Variants in STRN observed in about 807,000 individuals in gnomAD.
STRN encodes protein phosphatase 2 regulatory subunit B'''alpha.
STRN carries 53 observed loss-of-function variants against 96.3 expected under a neutral mutation model. The observed-to-expected ratio is 0.55, with a 90% CI of 0.44 to 0.69. The LOEUF is 0.69. Among genes scored for constraint, STRN ranks in the 30% least tolerant of loss-of-function variants. The pLI is 0.00. For missense variants in STRN, 987 were observed against 963.9 expected (o/e 1.02, Z -0.32); for synonymous variants, 428 against 355.9 (o/e 1.20, Z -2.28).
intron 6 of STRN, among the ~76,000 whole-genome samples, chr2:36,895,272 A>T (rs1276454848): frequency 1.3e-5 from 2 of 151,822 alleles, no homozygotes; most frequent in African/African-American, 2.4e-5. Flanking sequence ...GCTTGCAGTG[A>T]GCCAAGATCG....
chr2:36,929,422 C>T lies in STRN; in HGVS notation c.235-4214G>A, dbSNP rs60156147. Among the ~76,000 whole-genome samples, 6 of 151,172 alleles carry T rather than the reference C, an allele frequency of 4.0e-5. No homozygotes were observed. The East Asian group carries it at 9.9e-4, about 25-fold the overall frequency. ...CTTTTGAGACGGAGTCTCGCTCTGTCGCCCAGGCTGGAGTGCAGTGGTGCG... is the reference window on the plus strand; with the variant it reads ...CTTTTGAGACGGAGTCTCGCTCTGTTGCCCAGGCTGGAGTGCAGTGGTGCG... On this transcript the variant is annotated intron_variant, in intron 1 of 17. Coordinates refer to ENST00000263918, the MANE Select transcript of STRN (RefSeq NM_003162.4).
chr2:36,938,517 G>C (rs1257016429), intron 1 of STRN, among the ~76,000 whole-genome samples: 4 of 152,110 alleles, frequency 2.6e-5, no homozygotes, highest in African/African-American at 9.7e-5. Context: ...CTCAAACCTG[G>C]TTTGAATTCC....
At chr2:36,876,730 TTG>T (rs1400420680) in intron 10 of STRN, among the ~76,000 whole-genome samples, 1 of 149,198 alleles carries the variant, frequency 6.7e-6, no homozygotes, top group East Asian at 2.0e-4. Flanking sequence ...AAATTATTTA[TTG>T]TGATGAGCAA....
intron 10 of STRN, among the ~76,000 whole-genome samples, chr2:36,875,573 CA>C (rs60429541): frequency 0.95 from 136,876 of 144,120 alleles, 65,418 homozygotes; most frequent in South Asian, 1. Context: ...CAAAAATTAC[CA>C]AAAAAAAAGC....
chr2:36,918,105 T>C (rs2148221654), intron 2 of STRN, among the ~76,000 whole-genome samples: 1 of 152,146 alleles, frequency 6.6e-6, no homozygotes, highest in East Asian at 1.9e-4. Flanking sequence ...AGTAAATATG[T>C]TTAGTCCAAA....
intron 10 of STRN, among the ~76,000 whole-genome samples, chr2:36,872,655 T>C (rs1668792447): frequency 6.6e-6 from 1 of 152,206 alleles, no homozygotes; most frequent in Non-Finnish European, 1.5e-5. Flanking sequence ...CCAAGTTTTC[T>C]AACAATTAAA....
At chr2:36,913,301 T>A (rs887435916) in intron 3 of STRN, among the ~76,000 whole-genome samples, 1 of 152,134 alleles carries the variant, frequency 6.6e-6, no homozygotes, top group African/African-American at 2.4e-5. Flanking sequence ...CCCAGCTAAC[T>A]CTCTATCTAC....
At chr2:36,944,862 T>C (rs889461596) in intron 1 of STRN, among the ~76,000 whole-genome samples, 1 of 152,152 alleles carries the variant, frequency 6.6e-6, no homozygotes, top group Non-Finnish European at 1.5e-5. Context: ...GTAGGAGATA[T>C]AACTTTAAAT....
chr2:36,966,421 G>A lies in STRN; in HGVS notation c.43C>T (p.His15Tyr). 6.8e-7 allele frequency: 1 copy of A among 1,464,696 alleles called. No homozygotes were observed. Among genetic ancestry groups the A allele is most frequent in the Non-Finnish European group, 9.0e-7 (1 of 1,109,486 alleles). The allele number at this position is 1,464,696 out of a possible 1,614,324, so 90.7% of individuals were successfully genotyped here. ...AGPGVFFSNN[H>Y]PGAGGAKGLG... The stretch of plus-strand genomic sequence containing the variant: ...CCCTTGGCACCGCCGGCGCCCGGGT[G>A]GTTGTTGCTGAAGAAGACGCCGGGA... Residue 15 changes from histidine to tyrosine, a missense_variant, in exon 1 of 18, where the codon CAC becomes TAC. Coordinates refer to ENST00000263918, the MANE Select transcript of STRN (RefSeq NM_003162.4).
At chr2:36,877,599 G>A (rs892592213) in intron 10 of STRN, among the ~76,000 whole-genome samples, 12 of 152,230 alleles carry the variant, frequency 7.9e-5, no homozygotes, top group Middle Eastern at 3.4e-3. Context: ...GCAGTGGTGC[G>A]ATGTTGGCTC....
chr2:36,865,674 G>A (rs929410224), intron 12 of STRN, among the ~76,000 whole-genome samples: 8 of 152,028 alleles, frequency 5.3e-5, no homozygotes, highest in African/African-American at 1.9e-4. Context: ...CAATTCTCCT[G>A]CCTCAGCCTC....
rs112345159 is a variant in STRN at position 36,901,783 on chromosome 2, G to C, written c.659+801C>G. ...ACATTTTAAGGCTCCAAGGAACTTT[G>C]CTTATAAAAGTCCTACAGTGAACCT... On this transcript the variant is annotated intron_variant, in intron 5 of 17. Transcript: ENST00000263918. 9.9e-3 allele frequency among the ~76,000 whole-genome samples: 1,506 copies of C among 152,180 alleles called. 38 individuals are homozygous for C. The highest frequency in any genetic ancestry group is 0.035 in the African/African-American group (1,442 of 41,516).
rs115148318 is a variant in STRN at position 36,842,906 on chromosome 2, C to T, written c.*6550G>A. Among the ~76,000 whole-genome samples, 429 of 152,174 alleles carry T rather than the reference C, an allele frequency of 2.8e-3. 1 individual carries two copies. The highest frequency in any genetic ancestry group is 9.4e-3 in the African/African-American group (392 of 41,526). On this transcript the variant is annotated 3_prime_UTR_variant, in exon 18 of 18. Transcript: ENST00000263918. ...TATAATGTTTAGGTTAAAAGGTATG[C>T]TTGACTCCCAAGGTGTTCTGGGAAT...
chr2:36,948,041 A>C (rs1376234868), intron 1 of STRN, among the ~76,000 whole-genome samples: 1 of 143,026 alleles, frequency 7.0e-6, no homozygotes, highest in East Asian at 2.0e-4. Context: ...CCCTCATCCT[A>C]TAGAATGATC....
At chr2:36,903,409 G>C (rs559234956) in intron 4 of STRN, among the ~76,000 whole-genome samples, 3 of 152,254 alleles carry the variant, frequency 2.0e-5, no homozygotes, top group Non-Finnish European at 4.4e-5. Context: ...TAATTCTCCT[G>C]AACCTCAGTT....
At chr2:36,884,134 T>G in intron 8 of STRN, 59 bp from the exon 9 acceptor site, 1 of 1,277,628 alleles carries the variant, frequency 7.8e-7, no homozygotes, top group Non-Finnish European at 1.0e-6. Flanking sequence ...ATTATCCAAT[T>G]GCATCAAAAT....
chr2:36,849,791 A>G lies in STRN; in HGVS notation c.2096T>C (p.Ile699Thr). 6.2e-7 allele frequency: 1 copy of G among 1,614,152 alleles called. No individual in the cohort carries two copies. Among genetic ancestry groups the G allele is most frequent in the Non-Finnish European group, 8.5e-7 (1 of 1,180,000 alleles). The part of the protein sequence containing the change: ...KFYDNNTGKL[I>T]HSMVAHLEAV... ...TTCTAGGTGGGCTACCATCGAGTGG[A>G]TCAGTTTGCCTTTGGAAAAAGAGAT... Residue 699 changes from isoleucine to threonine, a missense_variant, in exon 17 of 18, where the codon ATC (isoleucine) becomes ACC (threonine). By Grantham distance (89) the Ile-to-Thr change is moderately conservative. Transcript: ENST00000263918.
intron 3 of STRN, among the ~76,000 whole-genome samples, chr2:36,914,330 T>A (rs528508145): frequency 2.0e-5 from 3 of 152,234 alleles, no homozygotes; most frequent in African/African-American, 7.2e-5. Context: ...GCATCTAGGC[T>A]TCTATTCTCC....
At chr2:36,868,708 T>A (rs151121984) in intron 11 of STRN, among the ~76,000 whole-genome samples, 1 of 152,314 alleles carries the variant, frequency 6.6e-6, no homozygotes, top group East Asian at 1.9e-4. Context: ...CTACCCTATG[T>A]ATGACACAGC....
Sources: gnomAD v4.1 joint callset for allele counts (sites outside exome capture counted in the v4.1 genomes callset) on GRCh38, gnomAD v4.1.1 for gene constraint, MANE v1.5 for transcripts, NCBI Gene and HGNC (gene_info 2026-07-23, HGNC 2026-07-21) for gene names.